Variants in PCDHGB7 observed in about 807,000 individuals in gnomAD.
PCDHGB7 encodes protocadherin gamma subfamily B, 7.
Under a neutral mutation model 61.4 loss-of-function variants are expected in PCDHGB7, and 37 were observed. That is an observed-to-expected ratio of 0.60 (90% CI 0.46 to 0.79). PCDHGB7 has a LOEUF of 0.79. PCDHGB7 is among the 30% of genes least tolerant of loss of function. The pLI is 0.00. For missense variants in PCDHGB7, 1,166 were observed against 1,202.5 expected, an observed-to-expected ratio of 0.97 and a Z score of 0.45; for synonymous variants, 464 against 503.5, an observed-to-expected ratio of 0.92 and a Z score of 1.05.
rs2099427481 is a variant in PCDHGB7 at position 141,477,973 on chromosome 5, T to A, written c.2416-16834T>A. On this transcript the variant is annotated intron_variant, in intron 1 of 3. Coordinates refer to ENST00000398594, the MANE Select transcript of PCDHGB7 (RefSeq NM_018927.4). The surrounding 1 kb of genome is among the most constrained non-coding windows in gnomAD (Gnocchi z 4.9). The stretch of plus-strand genomic sequence containing the variant: ...TGGGATCCCCTAACCAGAGCCTTTT[T>A]GCCATAGGGCTGCACACTGGTCAAA... 1 of 1,614,030 alleles carries A rather than the reference T, an allele frequency of 6.2e-7. No individual in the cohort carries two copies. The highest frequency in any genetic ancestry group is 8.5e-7 in the Non-Finnish European group (1 of 1,180,030).
chr5:141,417,875 G>A lies in PCDHGB7; in HGVS notation c.16G>A (p.Ala6Thr). The A allele has an allele frequency of 6.4e-7, 1 of 1,556,360 alleles. No homozygotes were observed. The highest frequency in any genetic ancestry group is 1.2e-5 in the South Asian group (1 of 85,068). Residue 6 changes from alanine (A) to threonine (T), a missense_variant, in exon 1 of 4, where the codon GCG becomes ACG. Coordinates refer to ENST00000398594, the MANE Select transcript of PCDHGB7 (RefSeq NM_018927.4). Reference sequence around the variant, plus strand: ...CGAGCGAACGATGGGAGGGAGCTGCGCGCAGAGGCGCCGGGCCGGCCCGCG... The same window carrying A: ...CGAGCGAACGATGGGAGGGAGCTGCACGCAGAGGCGCCGGGCCGGCCCGCG... MGGSC[A>T]QRRRAGPRQV...
Position 141,485,331 on chromosome 5 carries a change from T to C in PCDHGB7, c.2416-9476T>C, listed in dbSNP as rs1203054851. On this transcript the variant is annotated intron_variant, in intron 1 of 3. Transcript: ENST00000398594. This position sits in a 1 kb window ranked among gnomAD's most constrained non-coding sequence, Gnocchi z 5.7. Reference sequence around the variant, plus strand: ...GTAGGGAATGTCGCTCAAGATTTCCTGCTGGATACGGACAGTCTGTCAGCT... The same window carrying C: ...GTAGGGAATGTCGCTCAAGATTTCCCGCTGGATACGGACAGTCTGTCAGCT... 6.2e-7 allele frequency: 1 copy of C among 1,614,048 alleles called. No individual in the cohort carries two copies. Among genetic ancestry groups the C allele is most frequent in the African/African-American group, 1.3e-5 (1 of 74,902 alleles).
chr5:141,432,031 C>T lies in PCDHGB7; in HGVS notation c.2415+11757C>T. The T allele has an allele frequency of 6.2e-7, 1 of 1,614,220 alleles. No individual in the cohort carries two copies. Among genetic ancestry groups the T allele is most frequent in the Non-Finnish European group, 8.5e-7 (1 of 1,180,048 alleles). ...CTAGCTACAACATCACAGTGACCGC[C>T]ACTGACCGGGGAACCCCGCCCCTAT... On this transcript the variant is annotated intron_variant, in intron 1 of 3. Coordinates refer to ENST00000398594, the MANE Select transcript of PCDHGB7 (RefSeq NM_018927.4). This position sits in a 1 kb window ranked among gnomAD's most constrained non-coding sequence, Gnocchi z 6.0.
chr5:141,432,700 G>A lies in PCDHGB7; in HGVS notation c.2415+12426G>A. On this transcript the variant is annotated intron_variant, in intron 1 of 3. Transcript: ENST00000398594. The surrounding 1 kb of genome is among the most constrained non-coding windows in gnomAD (Gnocchi z 6.0). ...AGCAGAGCCTCGTAGTGGCCGTCCAGGACCACGGCCAGCCCCCTCTCTCCG... is the reference window on the plus strand; with the variant it reads ...AGCAGAGCCTCGTAGTGGCCGTCCAAGACCACGGCCAGCCCCCTCTCTCCG... The A allele has an allele frequency of 6.2e-7, 1 of 1,613,980 alleles. No individual in the cohort carries two copies. The highest frequency in any genetic ancestry group is 8.5e-7 in the Non-Finnish European group (1 of 1,179,978).
rs2097456240 is a variant in PCDHGB7, at chr5:141,432,134, G to T, written c.2415+11860G>T. 3 of 1,613,756 alleles carry T rather than the reference G, an allele frequency of 1.9e-6. No individual in the cohort carries two copies. The highest frequency in any genetic ancestry group is 1.3e-5 in the African/African-American group (1 of 74,800). On this transcript the variant is annotated intron_variant, in intron 1 of 3. Coordinates refer to ENST00000398594, the MANE Select transcript of PCDHGB7 (RefSeq NM_018927.4). This position sits in a 1 kb window ranked among gnomAD's most constrained non-coding sequence, Gnocchi z 6.0. The stretch of plus-strand genomic sequence containing the variant: ...GGTCTTCCCTCAGGCCTCCTATTCC[G>T]CTTATATCCCAGAGAACAATCCCAG...
rs768938171 is a variant in PCDHGB7 at position 141,487,276 on chromosome 5, C to T, written c.2416-7531C>T. ...TGGCTGTGTCCCTAGTGGCAATTTG[C>T]TTTGTCTCCTTTGGCTCATTCGTGG... On this transcript the variant is annotated intron_variant, in intron 1 of 3. Transcript: ENST00000398594. The surrounding 1 kb of genome is among the most constrained non-coding windows in gnomAD (Gnocchi z 5.0). The T allele has an allele frequency of 2.5e-6, 4 of 1,614,158 alleles. No homozygotes were observed. The East Asian group carries it at 8.9e-5, about 36-fold the overall frequency.
intron 3 of PCDHGB7, among the ~76,000 whole-genome samples, chr5:141,507,809 C>T (rs866898784): frequency 2.0e-5 from 3 of 152,206 alleles, no homozygotes; most frequent in Non-Finnish European, 2.9e-5. Flanking sequence ...CCCTGGGGAA[C>T]GGACCCTGGG....
chr5:141,495,545 A>G (rs1174346915), intron 2 of PCDHGB7, among the ~76,000 whole-genome samples: 3 of 151,824 alleles, frequency 2.0e-5, no homozygotes, highest in Non-Finnish European at 4.4e-5. Flanking sequence ...CTCAGTCTCT[A>G]TCTCGCTTTG....
rs1207647899 is a variant in PCDHGB7, at chr5:141,491,938, C to T, written c.2416-2869C>T. The T allele has an allele frequency of 1.6e-5, 19 of 1,199,190 alleles. No homozygotes were observed. Among genetic ancestry groups the T allele is most frequent in the Non-Finnish European group, 2.1e-5 (18 of 875,372 alleles). 74.3% of individuals were successfully genotyped at this position (1,199,190 alleles called of 1,614,324 possible). ...TGTGGGCGAGGGGAGGTGGGACCGA[C>T]CCCCACCCCTACACTCAAAAAAGGC... is the stretch of plus-strand genomic sequence containing the variant. On this transcript the variant is annotated intron_variant, in intron 1 of 3. Coordinates refer to ENST00000398594, the MANE Select transcript of PCDHGB7 (RefSeq NM_018927.4). This position sits in a 1 kb window ranked among gnomAD's most constrained non-coding sequence, Gnocchi z 6.9.
At chr5:141,421,418 G>A (rs771088122) in intron 1 of PCDHGB7, 1 of 1,614,086 alleles carries the variant, frequency 6.2e-7, no homozygotes, top group Admixed American at 1.7e-5. Flanking sequence ...GCGAAGCGCG[G>A]AGTCCGCATC....
rs1253223100 is a variant in PCDHGB7 at position 141,493,049 on chromosome 5, T to C, written c.2416-1758T>C. Among the ~76,000 whole-genome samples the C allele has an allele frequency of 6.6e-6, 1 of 152,188 alleles. No homozygotes were observed. Among genetic ancestry groups the C allele is most frequent in the Non-Finnish European group, 1.5e-5 (1 of 68,032 alleles). Reference sequence around the variant, plus strand: ...GCCCTTATGTGTGAGGAAACTACAATAGTAAAAAACACAAGTTTCTCCAAC... The same window carrying C: ...GCCCTTATGTGTGAGGAAACTACAACAGTAAAAAACACAAGTTTCTCCAAC... On this transcript the variant is annotated intron_variant, in intron 1 of 3. Transcript: ENST00000398594. This position sits in a 1 kb window ranked among gnomAD's most constrained non-coding sequence, Gnocchi z 4.3.
intron 1 of PCDHGB7, among the ~76,000 whole-genome samples, chr5:141,435,357 T>C (rs749223776): frequency 6.6e-6 from 1 of 152,208 alleles, no homozygotes; most frequent in Non-Finnish European, 1.5e-5. Flanking sequence ...CATTTAAAAT[T>C]TTATCACTTA....
At chr5:141,499,029 A>AAGGAAGGAAGGAAGGAAGGAAGG (rs1562187768) in intron 2 of PCDHGB7, among the ~76,000 whole-genome samples, 1 of 139,968 alleles carries the variant, frequency 7.1e-6, no homozygotes, top group African/African-American at 2.8e-5. Flanking sequence ...AGGAAGGAAG[A>AAGGAAGGAAGGAAGGAAGGAAGG]AAAGAAAGAA....
intron 1 of PCDHGB7, among the ~76,000 whole-genome samples, chr5:141,452,579 A>G (rs1320327475): frequency 6.6e-6 from 1 of 151,944 alleles, no homozygotes; most frequent in Non-Finnish European, 1.5e-5. Context: ...CCCCCTTTCC[A>G]TCTTTGTATT....
At chr5:141,427,440 G>A (rs747459662) in intron 1 of PCDHGB7, 1 of 477,484 alleles carries the variant, frequency 2.1e-6, no homozygotes, top group South Asian at 1.5e-5. Flanking sequence ...CCTCATAAAC[G>A]AAAGAGTTCC....
At position 141,418,983 on chromosome 5, in the gene PCDHGB7, A is replaced by T; in HGVS notation, c.1124A>T (p.Asp375Val). ...GCCCTCTTCAAAACACGGGACCAAG[A>T]CTCAGGGGAAAATGGGGAAGTCAGG... is the stretch of plus-strand genomic sequence containing the variant. ...VVALFKTRDQ[D>V]SGENGEVRCS... Residue 375 changes from aspartate (D) to valine (V), a missense_variant, in exon 1 of 4, where the codon GAC (aspartate) becomes GTC (valine). Coordinates refer to ENST00000398594, the MANE Select transcript of PCDHGB7 (RefSeq NM_018927.4). 6.2e-7 allele frequency: 1 copy of T among 1,613,900 alleles called. No homozygotes were observed. The highest frequency in any genetic ancestry group is 1.7e-5 in the Admixed American group (1 of 60,020).
chr5:141,457,422 TC>T (rs1038085994), intron 1 of PCDHGB7, among the ~76,000 whole-genome samples: 1 of 151,626 alleles, frequency 6.6e-6, no homozygotes, highest in African/African-American at 2.4e-5. Context: ...CATCCCTTTT[TC>T]CCCCCCACCA....
In PCDHGB7 at chr5:141,477,442, A is replaced by G; in HGVS notation, c.2416-17365A>G. The G allele has an allele frequency of 6.2e-7, 1 of 1,614,132 alleles. No individual in the cohort carries two copies. Among genetic ancestry groups the G allele is most frequent in the Non-Finnish European group, 8.5e-7 (1 of 1,180,022 alleles). ...CCCCTTCCCTCTCAGCCCTTACAAT[A>G]GTGCGTGTTCAAGTGTCCGACATCA... On this transcript the variant is annotated intron_variant, in intron 1 of 3. Coordinates refer to ENST00000398594, the MANE Select transcript of PCDHGB7 (RefSeq NM_018927.4). This position sits in a 1 kb window ranked among gnomAD's most constrained non-coding sequence, Gnocchi z 4.9.
rs1036344847 is a variant in PCDHGB7 at position 141,424,050 on chromosome 5, C to G, written c.2415+3776C>G. 9.9e-6 allele frequency: 10 copies of G among 1,014,084 alleles called. No homozygotes were observed. The African/African-American group carries it at 1.6e-4, about 16-fold the overall frequency. The allele number at this position is 1,014,084 out of a possible 1,614,324, so 62.8% of individuals were successfully genotyped here. A position where few individuals can be genotyped will look rare whatever the true frequency, so the allele number is the denominator to read the frequency against. ...ACTTTTTATTTCCATTTCAATTTTG[C>G]TGTGCCTTCACTGATTTGTAGTTAT... On this transcript the variant is annotated intron_variant, in intron 1 of 3. Coordinates refer to ENST00000398594, the MANE Select transcript of PCDHGB7 (RefSeq NM_018927.4).
Sources: gnomAD v4.1 joint callset for allele counts (sites outside exome capture counted in the v4.1 genomes callset) on GRCh38, gnomAD v4.1.1 for gene constraint, Gnocchi (gnomAD v3.1) non-coding constraint, MANE v1.5 for transcripts, NCBI Gene and HGNC (gene_info 2026-07-23, HGNC 2026-07-21) for gene names.